Variants in CEP112 observed in about 807,000 individuals in gnomAD.
The protein encoded by CEP112 is centrosomal protein of 112 kDa.
A neutral mutation model predicts 153.0 loss-of-function variants in CEP112; 127 were observed. The ratio of observed to expected loss-of-function variants is 0.83; its 90% CI spans 0.72 to 0.96. CEP112 has a LOEUF of 0.96. CEP112 is among the 40% of genes least tolerant of loss of function. CEP112 has a pLI of 0.00. For missense variants in CEP112, 1,089 were observed against 1,101.2 expected (o/e 0.99, Z 0.16); for synonymous variants, 358 against 374.4 (o/e 0.96, Z 0.51).
chr17:65,675,585 A>C (rs1461640280), intron 24 of CEP112, among the ~76,000 whole-genome samples: 1 of 152,094 alleles, frequency 6.6e-6, no homozygotes, highest in Non-Finnish European at 1.5e-5. Context: ...AATTTGTTTT[A>C]TGAGGCCAGC....
At chr17:65,669,217 G>T (rs935065221) in intron 24 of CEP112, among the ~76,000 whole-genome samples, 3 of 152,108 alleles carry the variant, frequency 2.0e-5, no homozygotes, top group African/African-American at 7.2e-5. Flanking sequence ...GCCTATTACT[G>T]ACTCATTTCT....
chr17:65,718,381 C>T (rs902503453), intron 23 of CEP112, among the ~76,000 whole-genome samples: 4 of 150,314 alleles, frequency 2.7e-5, no homozygotes, highest in African/African-American at 7.4e-5. Flanking sequence ...GCACTCCAGC[C>T]TGGGCAACAA....
intron 21 of CEP112, among the ~76,000 whole-genome samples, chr17:65,822,714 A>T (rs996174356): frequency 6.6e-6 from 1 of 152,148 alleles, no homozygotes; most frequent in African/African-American, 2.4e-5. Context: ...AAAATTCACC[A>T]GTTTATTAAT....
chr17:66,174,595 T>C (rs956218120), intron 4 of CEP112, among the ~76,000 whole-genome samples: 76 of 152,332 alleles, frequency 5.0e-4, no homozygotes, highest in African/African-American at 1.7e-3. Context: ...ATGGCCTTTT[T>C]GAACATTTCA....
chr17:65,672,123 C>T lies in CEP112; in HGVS notation c.2697+17006G>A, dbSNP rs747926545. 2.7e-4 allele frequency among the ~76,000 whole-genome samples: 41 copies of T among 152,118 alleles called. 1 individual carries two copies. Among genetic ancestry groups the T allele is most frequent in the Non-Finnish European group, 4.7e-4 (32 of 67,990 alleles). On this transcript the variant is annotated intron_variant, in intron 24 of 26. Coordinates refer to ENST00000535342, the MANE Select transcript of CEP112 (RefSeq NM_001199165.4). ...GAGACAACTGTAATACTCCTAAATA[C>T]CAGAATTATCCATTTAGAAAAAACA... is the stretch of plus-strand genomic sequence containing the variant.
At chr17:65,866,519 T>C (rs1321745235) in intron 20 of CEP112, among the ~76,000 whole-genome samples, 1 of 152,186 alleles carries the variant, frequency 6.6e-6, no homozygotes, top group African/African-American at 2.4e-5. Context: ...GCCTGGGAGC[T>C]GGGCTGCTGG....
chr17:65,751,681 ATTC>A (rs1205606529), intron 21 of CEP112, among the ~76,000 whole-genome samples: 1 of 152,066 alleles, frequency 6.6e-6, no homozygotes, highest in Non-Finnish European at 1.5e-5. Flanking sequence ...CTTTTTGATT[ATTC>A]TTAGAATTTC....
chr17:65,777,002 T>A (rs9901874), intron 21 of CEP112, among the ~76,000 whole-genome samples: 1 of 152,200 alleles, frequency 6.6e-6, no homozygotes, highest in Non-Finnish European at 1.5e-5. Context: ...CCTTCTTCCA[T>A]AAGAATAAAA....
chr17:66,018,646 T>C (rs1437380930), intron 16 of CEP112, among the ~76,000 whole-genome samples: 1 of 152,220 alleles, frequency 6.6e-6, no homozygotes, highest in Non-Finnish European at 1.5e-5. Context: ...TCAAAAATAC[T>C]ATCCAATATG....
chr17:65,741,516 T>C (rs1466287377), intron 23 of CEP112, among the ~76,000 whole-genome samples: 1 of 150,716 alleles, frequency 6.6e-6, no homozygotes, highest in Non-Finnish European at 1.5e-5. Flanking sequence ...TATTAAATAA[T>C]TTAAAAATTA....
At chr17:65,796,242 T>C (rs1045068261) in intron 21 of CEP112, among the ~76,000 whole-genome samples, 1 of 152,204 alleles carries the variant, frequency 6.6e-6, no homozygotes, top group East Asian at 1.9e-4. Flanking sequence ...TATGTAGATA[T>C]GTTTGTCTTC....
At chr17:66,179,069 G>A (rs8077672) in intron 2 of CEP112, among the ~76,000 whole-genome samples, 29,634 of 152,164 alleles carry the variant, frequency 0.19, 3,424 homozygotes, top group Middle Eastern at 0.33. Context: ...TTTTACGCCA[G>A]TACCATGATG....
At chr17:65,789,015 T>A (rs934820244) in intron 21 of CEP112, among the ~76,000 whole-genome samples, 1 of 152,184 alleles carries the variant, frequency 6.6e-6, no homozygotes. Context: ...TCCATTCCGA[T>A]AGTAAATCAT....
chr17:65,639,516 C>CA (rs1291236646), intron 25 of CEP112, among the ~76,000 whole-genome samples: 1 of 151,692 alleles, frequency 6.6e-6, no homozygotes, highest in Non-Finnish European at 1.5e-5. Flanking sequence ...TCTCTACAAA[C>CA]AAACCCCCGT....
At chr17:65,852,889 G>A (rs906125406) in intron 20 of CEP112, among the ~76,000 whole-genome samples, 3 of 151,868 alleles carry the variant, frequency 2.0e-5, no homozygotes, top group African/African-American at 7.3e-5. Flanking sequence ...ATTTATAAAT[G>A]TAAGACTACA....
intron 19 of CEP112, chr17:65,913,842 C>T: frequency 2.0e-6 from 2 of 985,454 alleles, no homozygotes; most frequent in Non-Finnish European, 2.4e-6. Flanking sequence ...AGGCTGGAAG[C>T]AGGCGCTATC....
At chr17:66,180,482 A>T (rs986828048) in intron 2 of CEP112, among the ~76,000 whole-genome samples, 7 of 152,222 alleles carry the variant, frequency 4.6e-5, no homozygotes, top group African/African-American at 1.7e-4. Context: ...TTATCTAAGC[A>T]TTTTCAACTT....
At chr17:65,918,553 G>A (rs2060580427) in intron 19 of CEP112, among the ~76,000 whole-genome samples, 1 of 152,134 alleles carries the variant, frequency 6.6e-6, no homozygotes, top group Non-Finnish European at 1.5e-5. Context: ...TCAAGGCTTT[G>A]TAGTGGAAAG....
chr17:65,750,542 C>T (rs1034279561), intron 22 of CEP112, 120 bp downstream of exon 22: 1 of 737,534 alleles, frequency 1.4e-6, no homozygotes. Flanking sequence ...AAATATGATA[C>T]CATTCCACAA....
Sources: gnomAD v4.1 joint callset for allele counts (sites outside exome capture counted in the v4.1 genomes callset) on GRCh38, gnomAD v4.1.1 for gene constraint, MANE v1.5 for transcripts, NCBI Gene and HGNC (gene_info 2026-07-23, HGNC 2026-07-21) for gene names.